Variants in CKAP5 observed in about 807,000 individuals in gnomAD.
CKAP5 encodes cytoskeleton associated protein 5, also known as cytoskeleton-associated protein 5.
In CKAP5, 27 loss-of-function variants were observed where a neutral mutation model predicts 232.8. That is an observed-to-expected ratio of 0.12 (90% CI 0.09 to 0.16). The LOEUF is 0.16. Among genes scored for constraint, CKAP5 ranks in the 10% least tolerant of loss-of-function variants. CKAP5 has a pLI of 1.00. For synonymous variants in CKAP5, 785 were observed against 841.1 expected, an observed-to-expected ratio of 0.93 and a Z score of 1.16; for missense variants, 1,838 against 2,424.7, an observed-to-expected ratio of 0.76 and a Z score of 5.08.
Position 46,833,970 on chromosome 11 carries a change from A to C in CKAP5, c.-38+12250T>G, listed in dbSNP as rs192181541. Among the ~76,000 whole-genome samples the C allele has an allele frequency of 1.8e-3, 269 of 151,160 alleles. 7 individuals are homozygous for C. The East Asian group carries it at 0.043, about 24-fold the overall frequency. On this transcript the variant is annotated intron_variant, in intron 1 of 43. Transcript: ENST00000529230. The stretch of plus-strand genomic sequence containing the variant: ...CTGCAACCTCTGCCTCCTGGGTTCA[A>C]GTGATTTTCCTGCCTCAGCCTCCTG...
rs1939451018 is a variant in CKAP5 at position 46,818,293 on chromosome 11, G to A, written c.251+17C>T. 1.3e-6 allele frequency: 2 copies of A among 1,556,072 alleles called. No individual in the cohort carries two copies. Among genetic ancestry groups the A allele is most frequent in the Admixed American group, 4.0e-5 (2 of 49,472 alleles). On this transcript the variant is annotated intron_variant, in intron 3 of 43. Transcript: ENST00000529230. ...AACAGGGGTTTTTATCAGTAAAGTT[G>A]GAAAGAAAGTACTTACTTTCCTGCT...
intron 1 of CKAP5, among the ~76,000 whole-genome samples, chr11:46,827,717 G>A (rs893971131): frequency 1.3e-5 from 2 of 152,168 alleles, no homozygotes; most frequent in African/African-American, 4.8e-5. Context: ...AAATGTACAA[G>A]TCTATGTAAG....
chr11:46,763,728 A>T, intron 28 of CKAP5, 98 bp from the exon 29 acceptor site: 1 of 754,836 alleles, frequency 1.3e-6, no homozygotes, highest in Middle Eastern at 2.6e-4. Flanking sequence ...TAAAATATTT[A>T]AAAATTCAAC....
intron 35 of CKAP5, among the ~76,000 whole-genome samples, chr11:46,755,607 G>A (rs910599295): frequency 6.6e-6 from 1 of 151,612 alleles, no homozygotes; most frequent in Non-Finnish European, 1.5e-5. Flanking sequence ...GATTCTAAGA[G>A]GCTCATTGTC....
At chr11:46,787,215 T>G (rs1170692042) in intron 16 of CKAP5, among the ~76,000 whole-genome samples, 1 of 152,132 alleles carries the variant, frequency 6.6e-6, no homozygotes, top group Non-Finnish European at 1.5e-5. Context: ...TTTAGAATAT[T>G]TAGCCTTTGT....
chr11:46,791,172 G>A (rs1938707530), intron 13 of CKAP5, among the ~76,000 whole-genome samples: 1 of 151,862 alleles, frequency 6.6e-6, no homozygotes, highest in African/African-American at 2.4e-5. Flanking sequence ...GTGATGGCCT[G>A]AAATTATACT....
chr11:46,781,791 TC>T (rs1366846962), intron 18 of CKAP5, among the ~76,000 whole-genome samples: 1 of 152,176 alleles, frequency 6.6e-6, no homozygotes, highest in Non-Finnish European at 1.5e-5. Context: ...TAACCCTTCA[TC>T]CTGCTTTACA....
In CKAP5 at chr11:46,744,445, C is replaced by A; in HGVS notation, c.5837G>T (p.Cys1946Phe). ...LERLKILRQR[C>F]GLDNTKQDDR... ...CAGTACCTTTGTGTTGTCCAGACCA[C>A]ATCGCTGTCGGAGGATCTTTAGCCT... Residue 1946 changes from cysteine to phenylalanine, a missense_variant, in exon 43 of 44, where the codon TGT (cysteine) becomes TTT (phenylalanine). Cys to Phe is a radical substitution (Grantham distance 205). Transcript: ENST00000529230. 1 of 1,614,154 alleles carries A rather than the reference C, an allele frequency of 6.2e-7. No individual in the cohort carries two copies. Among genetic ancestry groups the A allele is most frequent in the Non-Finnish European group, 8.5e-7 (1 of 1,180,028 alleles).
chr11:46,746,827 T>C (rs916904309), intron 42 of CKAP5, among the ~76,000 whole-genome samples: 5 of 152,240 alleles, frequency 3.3e-5, no homozygotes, highest in African/African-American at 1.2e-4. Context: ...CATCAGGTGA[T>C]AGCAATTTTT....
intron 13 of CKAP5, among the ~76,000 whole-genome samples, chr11:46,792,471 T>C (rs2134641977): frequency 6.6e-6 from 1 of 152,048 alleles, no homozygotes; most frequent in African/African-American, 2.4e-5. Context: ...GAGAATCACT[T>C]GAACCAGGGA....
At chr11:46,831,413 A>C (rs559862099) in intron 1 of CKAP5, among the ~76,000 whole-genome samples, 1 of 152,308 alleles carries the variant, frequency 6.6e-6, no homozygotes, top group South Asian at 2.1e-4. Context: ...TGTATACATG[A>C]TATCTCCTTT....
At chr11:46,843,516 A>G (rs776261262) in intron 1 of CKAP5, among the ~76,000 whole-genome samples, 12 of 152,060 alleles carry the variant, frequency 7.9e-5, no homozygotes, top group Non-Finnish European at 5.9e-5. Context: ...GGATCCCTTG[A>G]GCCCAGGAGT....
At chr11:46,766,400 C>T (rs1358215054) in intron 27 of CKAP5, among the ~76,000 whole-genome samples, 2 of 152,058 alleles carry the variant, frequency 1.3e-5, no homozygotes, top group Non-Finnish European at 2.9e-5. Context: ...AAAAGAACAA[C>T]GTCATTGGAT....
At chr11:46,770,738 T>C (rs2065240369) in intron 25 of CKAP5, 50 bp downstream of exon 25, 2 of 1,545,664 alleles carry the variant, frequency 1.3e-6, no homozygotes, top group African/African-American at 1.4e-5. Context: ...CCATGTTAAA[T>C]ATATTTTTTA....
intron 32 of CKAP5, 106 bp from the exon 33 acceptor site, chr11:46,760,890 GCAC>G: frequency 1.0e-6 from 1 of 1,003,422 alleles, no homozygotes; most frequent in South Asian, 1.6e-5. Flanking sequence ...TACTTTCAAA[GCAC>G]CACATTTCAA....
rs2134598469 is a variant in CKAP5 at position 46,766,264 on chromosome 11, CG to C, written c.3412-1009del. On this transcript the variant is annotated intron_variant, in intron 27 of 43. Coordinates refer to ENST00000529230, the MANE Select transcript of CKAP5 (RefSeq NM_001008938.4). ...TGAGATCATTTATATGAAACTGCTTCGTAAGTTTAAAAAGATTGGGAAAAAA... is the reference window on the plus strand; with the variant it reads ...TGAGATCATTTATATGAAACTGCTTCTAAGTTTAAAAAGATTGGGAAAAAA... 1.3e-5 allele frequency among the ~76,000 whole-genome samples: 2 copies of C among 152,142 alleles called. 1 individual carries two copies. The highest frequency in any genetic ancestry group is 4.1e-4 in the South Asian group (2 of 4,822).
chr11:46,811,101 G>A lies in CKAP5; in HGVS notation c.536C>T (p.Ala179Val), dbSNP rs1388942112. ...LPKLFESREK[A>V]VRDEAKLIAV... ...AATTAGTTTGGCTTCATCTCGAACA[G>A]CCTTCTCTCGAGACTCAAAGAGTTT... Residue 179 changes from alanine to valine, a missense_variant, in exon 5 of 44, where the codon GCT (alanine) becomes GTT (valine). Physicochemically the swap from Ala to Val is moderately conservative, Grantham distance 64. Transcript: ENST00000529230. The A allele has an allele frequency of 6.2e-7, 1 of 1,613,924 alleles. No individual in the cohort carries two copies. Among genetic ancestry groups the A allele is most frequent in the Non-Finnish European group, 8.5e-7 (1 of 1,179,870 alleles).
In CKAP5 at chr11:46,763,469, T is replaced by C. The variant is rs766376603; in HGVS notation, c.3687+12A>G. On this transcript the variant is annotated intron_variant, in intron 29 of 43. Coordinates refer to ENST00000529230, the MANE Select transcript of CKAP5 (RefSeq NM_001008938.4). ...TCTGAAATACATGTATATTTATCTA[T>C]TGCAGACTTACATCAACCATAACAG... The C allele has an allele frequency of 2.5e-6, 4 of 1,582,210 alleles. No homozygotes were observed. Among genetic ancestry groups the C allele is most frequent in the South Asian group, 2.3e-5 (2 of 86,634 alleles).
At chr11:46,829,516 T>C (rs1027791803) in intron 1 of CKAP5, among the ~76,000 whole-genome samples, 5 of 152,186 alleles carry the variant, frequency 3.3e-5, no homozygotes, top group African/African-American at 9.6e-5. Flanking sequence ...CCCTGAACGA[T>C]GGAGCGAGAA....
Sources: allele counts gnomAD v4.1 joint callset (sites outside exome capture counted in the v4.1 genomes callset), GRCh38; gene constraint gnomAD v4.1.1; transcripts MANE v1.5; gene names NCBI Gene and HGNC (gene_info 2026-07-23, HGNC 2026-07-21).